The following GMPS variants were observed in gnomAD, a reference collection of about 807,000 sequenced individuals.
GMPS encodes GMP synthase [glutamine-hydrolyzing].
Under a neutral mutation model 77.9 loss-of-function variants are expected in GMPS, and 15 were observed. The ratio of observed to expected loss-of-function variants is 0.19; its 90% confidence interval spans 0.13 to 0.30. GMPS has a LOEUF of 0.30. Among genes scored for constraint, GMPS ranks in the 10% least tolerant of loss-of-function variants. The pLI is 1.00. For synonymous variants in GMPS, 224 were observed against 275.9 expected (o/e 0.81, Z 1.86); for missense variants, 590 against 838.8 (o/e 0.70, Z 3.66).
At chr3:155,889,545 A>C (rs1754415449) in intron 1 of GMPS, among the ~76,000 whole-genome samples, 1 of 152,192 alleles carries the variant, frequency 6.6e-6, no homozygotes, top group Non-Finnish European at 1.5e-5. Context: ...CTTCCCACGT[A>C]GGTGCTGTAG....
At chr3:155,870,272 G>C (rs1456927463), upstream of GMPS, among the ~76,000 whole-genome samples, 2 of 152,212 alleles carry the variant, frequency 1.3e-5, no homozygotes, top group Non-Finnish European at 2.9e-5. Context: ...AGGCCTCTTC[G>C]GTGCCGCCAG....
chr3:155,911,078 G>C, intron 6 of GMPS, 36 bp from the exon 7 acceptor site: 5 of 1,525,590 alleles, frequency 3.3e-6, no homozygotes, highest in Non-Finnish European at 4.5e-6. Context: ...CTTTTTGCTT[G>C]TTTTGCTCAT....
At position 155,914,462 on chromosome 3, in the gene GMPS, A is replaced by G. The variant is rs748000254; in HGVS notation, c.930A>G (p.Leu310=). The change falls in exon 8 of 16, where the codon CTA becomes CTG. Residue 310 remains leucine (L), a synonymous_variant. Transcript: ENST00000496455. ...CTTTCTACAATGGAACAACAACCCT[A>G]CCAATATCAGATGAAGATAGAACCC... ...AHSFYNGTTT[L]PISDEDRTPR... is the part of the protein sequence containing the mutation. 11 of 1,600,052 alleles carry G rather than the reference A, an allele frequency of 6.9e-6. No individual in the cohort carries two copies. Among genetic ancestry groups the G allele is most frequent in the Non-Finnish European group, 8.5e-6 (10 of 1,174,952 alleles).
chr3:155,919,181 C>T, intron 9 of GMPS, 52 bp from the exon 10 acceptor site: 1 of 742,184 alleles, frequency 1.3e-6, no homozygotes, highest in Non-Finnish European at 2.3e-6. Context: ...CTTTGTTTTC[C>T]ATGTCATCTT....
intron 5 of GMPS, among the ~76,000 whole-genome samples, chr3:155,906,632 G>A (rs921758703): frequency 1.3e-5 from 2 of 152,096 alleles, no homozygotes; most frequent in African/African-American, 4.8e-5. Context: ...TTTCTTAGGT[G>A]TACATAGCCC....
At chr3:155,891,129 C>T (rs921041170) in intron 1 of GMPS, among the ~76,000 whole-genome samples, 3 of 152,152 alleles carry the variant, frequency 2.0e-5, no homozygotes, top group African/African-American at 7.2e-5. Context: ...TAATTACTCA[C>T]AGTAATGTAT....
chr3:155,879,265 CTT>C (rs370727242), intron 1 of GMPS, among the ~76,000 whole-genome samples: 3 of 122,610 alleles, frequency 2.4e-5, no homozygotes, highest in Admixed American at 9.4e-5. Flanking sequence ...CTGCACTTGT[CTT>C]TTTTTTTTTT....
Position 155,898,053 on chromosome 3 carries a change from A to T in GMPS, c.324+12A>T. The T allele has an allele frequency of 7.6e-7, 1 of 1,319,086 alleles. No individual in the cohort carries two copies. The highest frequency in any genetic ancestry group is 1.1e-6 in the Non-Finnish European group (1 of 910,766). 81.7% of individuals were successfully genotyped at this position (1,319,086 alleles called of 1,614,324 possible). A position where few individuals can be genotyped will look rare whatever the true frequency, so the allele number is the denominator to read the frequency against. ...GCTATGGTATGCAGGTATGTCAGCAAATTTGTTTTGAAAGCTTACTTATAT... is the reference window on the plus strand; with the variant it reads ...GCTATGGTATGCAGGTATGTCAGCATATTTGTTTTGAAAGCTTACTTATAT... On this transcript the variant is annotated intron_variant, in intron 3 of 15. Transcript: ENST00000496455.
intron 1 of GMPS, among the ~76,000 whole-genome samples, chr3:155,886,977 A>G (rs1025214085): frequency 2.6e-5 from 4 of 152,298 alleles, no homozygotes; most frequent in Admixed American, 2.6e-4. Flanking sequence ...AACAATGGCA[A>G]TGATAGTTGT....
Position 155,870,782 on chromosome 3 carries a change from A to G in GMPS, c.-89A>G. 2 of 889,192 alleles carry G rather than the reference A, an allele frequency of 2.2e-6. No individual in the cohort carries two copies. Among genetic ancestry groups the G allele is most frequent in the Non-Finnish European group, 1.7e-6 (1 of 577,216 alleles). The allele number at this position is 889,192 out of a possible 1,614,324, so 55.1% of individuals were successfully genotyped here. A position where few individuals can be genotyped will look rare whatever the true frequency, so the allele number is the denominator to read the frequency against. The stretch of plus-strand genomic sequence containing the variant: ...GCTCCTCGACCAGGCCTCCTTCTCA[A>G]CCTCAGCCCGCGGCGCCGACCCTTC... On this transcript the variant is annotated 5_prime_UTR_variant, in exon 1 of 16. Transcript: ENST00000496455.
At chr3:155,916,217 A>C (rs761668801) in intron 9 of GMPS, 25 bp downstream of exon 9, 12 of 1,453,912 alleles carry the variant, frequency 8.3e-6, no homozygotes, top group Non-Finnish European at 1.2e-5. Context: ...AAACTTTTTC[A>C]TAAAGTAGAT....
At chr3:155,913,913 C>T (rs1254018128) in intron 7 of GMPS, among the ~76,000 whole-genome samples, 1 of 151,958 alleles carries the variant, frequency 6.6e-6, no homozygotes, top group Non-Finnish European at 1.5e-5. Context: ...TATCTGAATT[C>T]TGTTACTCAG....
intron 2 of GMPS, among the ~76,000 whole-genome samples, chr3:155,894,660 C>T: frequency 6.6e-6 from 1 of 152,202 alleles, no homozygotes. Flanking sequence ...ATGCTTCTCC[C>T]AAAATTTAAA....
chr3:155,914,555 G>T lies in GMPS; in HGVS notation c.1023G>T (p.Gly341=). The change falls in exon 8 of 16, where the codon GGG becomes GGT. Residue 341 remains glycine (G), a synonymous_variant. Transcript: ENST00000496455. ...TSPEEKRKII[G]DTFVKIANEV... ...CTGAAGAGAAAAGAAAAATCATTGG[G>T]GATACTTTTGTTAAGGTACCTTTGT... 6.3e-7 allele frequency: 1 copy of T among 1,575,692 alleles called. No homozygotes were observed. The highest frequency in any genetic ancestry group is 8.6e-7 in the Non-Finnish European group (1 of 1,165,152).
chr3:155,939,269 T>C lies in GMPS; in HGVS notation c.*1577T>C, dbSNP rs1032176347. 1.8e-5 allele frequency: 4 copies of C among 217,938 alleles called. No individual in the cohort carries two copies. The highest frequency in any genetic ancestry group is 2.8e-5 in the Non-Finnish European group (3 of 108,510). 13.5% of individuals were successfully genotyped at this position (217,938 alleles called of 1,614,324 possible). ...ATGTTAGTGATCTGGTCTTTACAGA[T>C]TTAGAGTCATGTTATTTGAAAGCTA... is the stretch of plus-strand genomic sequence containing the variant. On this transcript the variant is annotated 3_prime_UTR_variant, in exon 16 of 16. Transcript: ENST00000496455.
chr3:155,890,968 A>C (rs1455259427), intron 1 of GMPS, among the ~76,000 whole-genome samples: 1 of 152,248 alleles, frequency 6.6e-6, no homozygotes, highest in Non-Finnish European at 1.5e-5. Flanking sequence ...TAAGACAGGC[A>C]ACACACTGCA....
In GMPS at chr3:155,899,735, A is replaced by G. The variant is rs544214274; in HGVS notation, c.324+1694A>G. Among the ~76,000 whole-genome samples the G allele has an allele frequency of 8.1e-4, 123 of 152,258 alleles. No individual in the cohort carries two copies. In the Middle Eastern group the frequency reaches 0.017, roughly 21 times the overall value. On this transcript the variant is annotated intron_variant, in intron 3 of 15. Transcript: ENST00000496455. ...AGTATTATACATTTTCGACTGCCCA[A>G]TCCTTTGTGCTTTACCTGTTCATCC... is the stretch of plus-strand genomic sequence containing the variant.
At position 155,910,572 on chromosome 3, in the gene GMPS, A is replaced by AG. The variant is rs368836708; in HGVS notation, c.527-120_527-119insG. On this transcript the variant is annotated intron_variant, in intron 5 of 15. Transcript: ENST00000496455. ...CGACAGAGCAAGACTCTGTCTCAAA[A>AG]AAAAAAAAAAAAAAAAAATGAAACC... 2,922 of 397,272 alleles carry AG rather than the reference A, an allele frequency of 7.4e-3. 3 individuals carry two copies. The highest frequency in any genetic ancestry group is 0.022 in the South Asian group (463 of 20,654). 24.6% of individuals were successfully genotyped at this position (397,272 alleles called of 1,614,324 possible). A position where few individuals can be genotyped will look rare whatever the true frequency, so the allele number is the denominator to read the frequency against.
intron 1 of GMPS, among the ~76,000 whole-genome samples, chr3:155,873,452 A>G (rs1753949619): frequency 6.6e-6 from 1 of 151,618 alleles, no homozygotes; most frequent in Non-Finnish European, 1.5e-5. Flanking sequence ...TTGTAGAGAC[A>G]GTTCTCGCTG....
Sources: gnomAD v4.1 joint callset for allele counts (sites outside exome capture counted in the v4.1 genomes callset) on GRCh38, gnomAD v4.1.1 for gene constraint, MANE v1.5 for transcripts, NCBI Gene and HGNC (gene_info 2026-07-23, HGNC 2026-07-21) for gene names.